The following SMG6 variants were observed in gnomAD, a reference collection of about 807,000 sequenced individuals.
The protein encoded by SMG6 is telomerase-binding protein EST1A.
Under a neutral mutation model 142.2 loss-of-function variants are expected in SMG6, and 66 were observed. That is an observed-to-expected ratio of 0.46 (90% confidence interval 0.38 to 0.57). The LOEUF is 0.57. Among genes scored for constraint, SMG6 ranks in the 20% least tolerant of loss-of-function variants. SMG6 has a pLI of 0.00. For synonymous variants in SMG6, 779 were observed against 702.4 expected, an observed-to-expected ratio of 1.11 and a Z score of -1.72; for missense variants, 1,793 against 1,832.0, an observed-to-expected ratio of 0.98 and a Z score of 0.39.
At chr17:2,147,170 A>G (rs1469564582) in intron 13 of SMG6, among the ~76,000 whole-genome samples, 1 of 152,176 alleles carries the variant, frequency 6.6e-6, no homozygotes, top group Non-Finnish European at 1.5e-5. Context: ...AGGTGGGTGG[A>G]TCATTTGAGG....
intron 8 of SMG6, among the ~76,000 whole-genome samples, chr17:2,252,813 T>C (rs1308065034): frequency 6.6e-6 from 1 of 152,166 alleles, no homozygotes; most frequent in East Asian, 1.9e-4. Context: ...TGGAAACCAC[T>C]GGGCTATATC....
rs763149008 is a variant in SMG6 at position 2,277,165 on chromosome 17, ATTTT to A, written c.2661+5478_2661+5481del. ...TATTTATTTATTTATTTATTTATTT[ATTTT>A]TTATTTTTTTTTTTTTTGAGACAGA... On this transcript the variant is annotated intron_variant, in intron 8 of 18. Coordinates refer to ENST00000263073, the MANE Select transcript of SMG6 (RefSeq NM_017575.5). 1.6e-4 allele frequency among the ~76,000 whole-genome samples: 10 copies of A among 63,460 alleles called. No homozygotes were observed. The East Asian group carries it at 4.1e-3, about 26-fold the overall frequency. 41.6% of individuals were successfully genotyped at this position (63,460 alleles called of 152,430 possible).
intron 13 of SMG6, among the ~76,000 whole-genome samples, chr17:2,131,819 T>G (rs2070131576): frequency 6.6e-6 from 1 of 152,084 alleles, no homozygotes; most frequent in Non-Finnish European, 1.5e-5. Flanking sequence ...CTAGTGTAAT[T>G]CTAGCACTTT....
chr17:2,248,435 G>A (rs1363901848), intron 8 of SMG6, among the ~76,000 whole-genome samples: 1 of 152,138 alleles, frequency 6.6e-6, no homozygotes, highest in Non-Finnish European at 1.5e-5. Flanking sequence ...GGACTAAAAC[G>A]AGAGCCCCAA....
At chr17:2,074,498 G>C (rs969920770) in intron 15 of SMG6, among the ~76,000 whole-genome samples, 1 of 152,206 alleles carries the variant, frequency 6.6e-6, no homozygotes, top group Admixed American at 6.5e-5. Context: ...AAAAACTGCT[G>C]CTTAGAACTC....
Position 2,278,924 on chromosome 17 carries a change from T to C in SMG6, c.2661+3723A>G, listed in dbSNP as rs371539106. Among the ~76,000 whole-genome samples, 6 of 152,080 alleles carry C rather than the reference T, an allele frequency of 3.9e-5. No homozygotes were observed. In the East Asian group the frequency reaches 1.2e-3, roughly 29 times the overall value. On this transcript the variant is annotated intron_variant, in intron 8 of 18. Transcript: ENST00000263073. ...CTCTAGCCTCATCCCTCGCTGCCCT[T>C]CCCCTCATTCGCGTATCAACTAAGA...
intron 8 of SMG6, among the ~76,000 whole-genome samples, chr17:2,246,062 A>G (rs1332838741): frequency 6.6e-6 from 1 of 152,240 alleles, no homozygotes; most frequent in Non-Finnish European, 1.5e-5. Flanking sequence ...AAAGAAGCCA[A>G]AAAACACATT....
Position 2,291,852 on chromosome 17 carries a change from T to TA in SMG6, c.2337+699dup, listed in dbSNP as rs60668132. Among the ~76,000 whole-genome samples, 571 of 133,470 alleles carry TA rather than the reference T, an allele frequency of 4.3e-3. 3 individuals carry two copies. Among genetic ancestry groups the TA allele is most frequent in the African/African-American group, 0.014 (490 of 35,874 alleles). 87.6% of individuals were successfully genotyped at this position (133,470 alleles called of 152,430 possible). On this transcript the variant is annotated intron_variant, in intron 6 of 18. Coordinates refer to ENST00000263073, the MANE Select transcript of SMG6 (RefSeq NM_017575.5). ...TGACAGAGCAAGACCCTGCCTCTCT[T>TA]AAAAAAAAAAAAAAAAAAAGAGAGA...
intron 16 of SMG6, among the ~76,000 whole-genome samples, chr17:2,066,324 ATG>A (rs529909823): frequency 1.3e-5 from 2 of 150,664 alleles, no homozygotes; most frequent in African/African-American, 4.9e-5. Flanking sequence ...GTGTGTGTAC[ATG>A]TGTGTATGTG....
chr17:2,203,954 C>A (rs574070574), intron 10 of SMG6, among the ~76,000 whole-genome samples: 92 of 152,242 alleles, frequency 6.0e-4, no homozygotes, highest in Non-Finnish European at 4.3e-4. Context: ...TCTTTTCATT[C>A]TGTGGCTTCC....
chr17:2,151,912 C>T (rs1050046522), intron 13 of SMG6, among the ~76,000 whole-genome samples: 1 of 152,126 alleles, frequency 6.6e-6, no homozygotes, highest in East Asian at 1.9e-4. Context: ...CTAGGCTCTG[C>T]CGATGGTTGT....
At chr17:2,248,111 A>G (rs1195538457) in intron 8 of SMG6, among the ~76,000 whole-genome samples, 1 of 152,188 alleles carries the variant, frequency 6.6e-6, no homozygotes, top group Non-Finnish European at 1.5e-5. Flanking sequence ...ATCTCAAAAA[A>G]TAAAAAATAA....
chr17:2,101,548 A>G (rs2069006767), intron 13 of SMG6: 1 of 152,256 alleles, frequency 6.6e-6, no homozygotes. Flanking sequence ...CCAAAGCCAG[A>G]TAAAATGACT....
At position 2,299,319 on chromosome 17, in the gene SMG6, G is replaced by A. The variant is rs2075216788; in HGVS notation, c.1434C>T (p.Asp478=). The stretch of plus-strand genomic sequence containing the variant: ...ATGTAGGGCTGACTTCATCATCAGT[G>A]TCCAAGAAATGTAGCTGGGGCGTCT... ...KTQTPQLHFL[D]TDDEVSPTSW... is the part of the protein sequence containing the mutation. The change falls in exon 2 of 19, where the codon GAC becomes GAT. Residue 478 remains aspartate (D), a synonymous_variant. Coordinates refer to ENST00000263073, the MANE Select transcript of SMG6 (RefSeq NM_017575.5). The surrounding 1 kb of genome is among the most constrained non-coding windows in gnomAD (Gnocchi z 4.3). 1.9e-6 allele frequency: 3 copies of A among 1,613,964 alleles called. No homozygotes were observed. Among genetic ancestry groups the A allele is most frequent in the African/African-American group, 1.3e-5 (1 of 74,896 alleles).
rs528504896 is a variant in SMG6, at chr17:2,246,980, T to C, written c.2662-2261A>G. ...AAAACAAAACAAAACACAAAAACAC[T>C]AGAATACAAGAGTGAGGAACAGCTG... is the stretch of plus-strand genomic sequence containing the variant. On this transcript the variant is annotated intron_variant, in intron 8 of 18. Coordinates refer to ENST00000263073, the MANE Select transcript of SMG6 (RefSeq NM_017575.5). Among the ~76,000 whole-genome samples the C allele has an allele frequency of 1.4e-4, 22 of 151,996 alleles. 1 individual carries two copies. In the Middle Eastern group the frequency reaches 0.014, roughly 94 times the overall value.
intron 13 of SMG6, among the ~76,000 whole-genome samples, chr17:2,101,979 C>G (rs186026010): frequency 6.6e-6 from 1 of 152,286 alleles, no homozygotes; most frequent in Admixed American, 6.5e-5. Flanking sequence ...GAGAAAAAGG[C>G]AGCCTCTCAG....
intron 14 of SMG6, among the ~76,000 whole-genome samples, chr17:2,083,862 A>C (rs2068487015): frequency 6.6e-6 from 1 of 152,212 alleles, no homozygotes; most frequent in East Asian, 1.9e-4. Context: ...CAAGGTTATG[A>C]AATTACACAG....
Position 2,068,941 on chromosome 17 carries a change from C to T in SMG6, c.3682-10G>A. On this transcript the variant is annotated splice_polypyrimidine_tract_variant and intron_variant, in intron 15 of 18. Coordinates refer to ENST00000263073, the MANE Select transcript of SMG6 (RefSeq NM_017575.5). The surrounding 1 kb of genome is among the most constrained non-coding windows in gnomAD (Gnocchi z 6.7). Reference sequence around the variant, plus strand: ...GGTCCTCCAGGACAGCCTATGGGGACAGAGTGGTGAATGAGCCAGACAGCG... The same window carrying T: ...GGTCCTCCAGGACAGCCTATGGGGATAGAGTGGTGAATGAGCCAGACAGCG... 6.2e-7 allele frequency: 1 copy of T among 1,613,300 alleles called. No homozygotes were observed. The highest frequency in any genetic ancestry group is 8.5e-7 in the Non-Finnish European group (1 of 1,179,476).
At chr17:2,124,648 T>C (rs150397018) in intron 13 of SMG6, among the ~76,000 whole-genome samples, 2,253 of 152,256 alleles carry the variant, frequency 0.015, 34 homozygotes, top group Non-Finnish European at 0.018. Flanking sequence ...CTCTGAGACC[T>C]GTGATCTCCC....
Sources: allele counts gnomAD v4.1 joint callset (sites outside exome capture counted in the v4.1 genomes callset), GRCh38; gene constraint gnomAD v4.1.1; non-coding constraint Gnocchi (gnomAD v3.1); transcripts MANE v1.5; gene names NCBI Gene and HGNC (gene_info 2026-07-23, HGNC 2026-07-21).